The following HKDC1 variants were observed in gnomAD, a reference collection of about 807,000 sequenced individuals.
HKDC1 encodes hexokinase domain containing 1, also known as hexokinase HKDC1.
HKDC1 carries 66 observed loss-of-function variants against 96.6 expected under a neutral mutation model. The observed-to-expected ratio is 0.68, with a 90% CI of 0.56 to 0.84. HKDC1 has a LOEUF of 0.84. Among genes scored for constraint, HKDC1 ranks in the 40% least tolerant of loss-of-function variants. The pLI is 0.00. For synonymous variants in HKDC1, 466 were observed against 473.1 expected (o/e 0.98, Z 0.20); for missense variants, 1,211 against 1,208.1 (o/e 1.00, Z -0.04).
chr10:69,258,731 T>G (rs1047513749), intron 14 of HKDC1, 45 bp from the exon 15 acceptor site: 1 of 1,597,352 alleles, frequency 6.3e-7, no homozygotes, highest in South Asian at 1.1e-5. Flanking sequence ...TTCTAAAACC[T>G]GGTGATGTCT....
At chr10:69,266,588 T>A in intron 17 of HKDC1, 22 bp from the exon 18 acceptor site, 1 of 1,612,278 alleles carries the variant, frequency 6.2e-7, no homozygotes, top group Non-Finnish European at 8.5e-7. Context: ...GGGCTGATGA[T>A]GTTTCTTTCT....
At chr10:69,250,725 C>G (rs1353298174) in intron 12 of HKDC1, 73 bp downstream of exon 12, 1 of 1,548,142 alleles carries the variant, frequency 6.5e-7, no homozygotes, top group Non-Finnish European at 8.8e-7. Context: ...CTCCAGGTAA[C>G]TCCCAGCCTG....
chr10:69,247,378 T>C lies in HKDC1; in HGVS notation c.1050T>C (p.Ala350=). 1 of 1,613,968 alleles carries C rather than the reference T, an allele frequency of 6.2e-7. No homozygotes were observed. Among genetic ancestry groups the C allele is most frequent in the Non-Finnish European group, 8.5e-7 (1 of 1,179,872 alleles). Residue 350 remains alanine (A), a synonymous_variant, in exon 9 of 18, where the codon GCT becomes GCC. Transcript: ENST00000354624. ...TGGCCAGGTATAAAGAAGGCCTTGC[T>C]AATACAAGAGAGATCCTGGTGGACC... is the stretch of plus-strand genomic sequence containing the variant. ...AAMEKYKEGL[A]NTREILVDLG...
chr10:69,255,359 T>C (rs572953108), intron 12 of HKDC1, among the ~76,000 whole-genome samples: 17 of 152,334 alleles, frequency 1.1e-4, no homozygotes, highest in African/African-American at 4.1e-4. Flanking sequence ...GGGGTCCAGT[T>C]TCCCAAGAAC....
chr10:69,225,158 G>C (rs1284726656), intron 1 of HKDC1, among the ~76,000 whole-genome samples: 1 of 152,046 alleles, frequency 6.6e-6, no homozygotes, highest in East Asian at 1.9e-4. Flanking sequence ...ACCCCAACTG[G>C]GTCTCAAAAA....
chr10:69,266,496 G>T, intron 17 of HKDC1, 114 bp from the exon 18 acceptor site: 9 of 1,063,554 alleles, frequency 8.5e-6, no homozygotes, highest in Admixed American at 2.4e-5. Flanking sequence ...AAGCTGTTTA[G>T]AGCCTTGAAA....
chr10:69,226,182 C>G (rs536920806), intron 1 of HKDC1, among the ~76,000 whole-genome samples: 1 of 152,160 alleles, frequency 6.6e-6, no homozygotes, highest in Non-Finnish European at 1.5e-5. Context: ...ATATTACCAA[C>G]AAGAGGACTG....
chr10:69,265,484 C>A, intron 16 of HKDC1, 101 bp from the exon 17 acceptor site: 1 of 1,014,954 alleles, frequency 9.9e-7, no homozygotes, highest in South Asian at 1.4e-5. Flanking sequence ...TTTCTCCTCC[C>A]TCCTGTAAGG....
At chr10:69,230,003 C>G (rs562745987) in intron 2 of HKDC1, among the ~76,000 whole-genome samples, 4 of 152,194 alleles carry the variant, frequency 2.6e-5, no homozygotes, top group Non-Finnish European at 5.9e-5. Context: ...GCAAAACTCT[C>G]CTAATTCCTT....
At position 69,220,506 on chromosome 10, in the gene HKDC1, G is replaced by A; in HGVS notation, c.63+8G>A. ...GAGGACCAGATCAAGAAGGTAAGGA[G>A]GACCCACGAAGCTGAGAGATGCCCA... is the stretch of plus-strand genomic sequence containing the variant. On this transcript the variant is annotated splice_region_variant and intron_variant, in intron 1 of 17. Transcript: ENST00000354624. The A allele has an allele frequency of 1.3e-6, 2 of 1,578,956 alleles. No homozygotes were observed. Among genetic ancestry groups the A allele is most frequent in the African/African-American group, 1.4e-5 (1 of 73,238 alleles).
At position 69,220,776 on chromosome 10, in the gene HKDC1, A is replaced by G. The variant is rs12573334; in HGVS notation, c.63+278A>G. On this transcript the variant is annotated intron_variant, in intron 1 of 17. Transcript: ENST00000354624. ...AGGGTGTTTGGAAAGCTTGAAGAGG[A>G]TTGTGTTTGCTGTAAGGGATGTTTG... 2.7e-3 allele frequency among the ~76,000 whole-genome samples: 412 copies of G among 152,238 alleles called. 15 individuals carry two copies. In the East Asian group the frequency reaches 0.067, roughly 25 times the overall value.
chr10:69,252,999 T>A (rs1272759212), intron 12 of HKDC1, among the ~76,000 whole-genome samples: 1 of 151,680 alleles, frequency 6.6e-6, no homozygotes, highest in Non-Finnish European at 1.5e-5. Flanking sequence ...TGTGTGTGTG[T>A]GTGTGTGTGT....
chr10:69,224,929 T>C (rs1208436719), intron 1 of HKDC1, among the ~76,000 whole-genome samples: 1 of 152,218 alleles, frequency 6.6e-6, no homozygotes, highest in Non-Finnish European at 1.5e-5. Context: ...TGGTTACACA[T>C]ACCCCACATG....
At chr10:69,242,883 T>A (rs1843474894) in intron 6 of HKDC1, among the ~76,000 whole-genome samples, 1 of 152,242 alleles carries the variant, frequency 6.6e-6, no homozygotes, top group Non-Finnish European at 1.5e-5. Flanking sequence ...TCTTCATTTG[T>A]CCTCTTGTAA....
intron 6 of HKDC1, among the ~76,000 whole-genome samples, chr10:69,242,528 C>T (rs1194427919): frequency 1.3e-5 from 2 of 149,980 alleles, no homozygotes; most frequent in Admixed American, 1.3e-4. Context: ...TTGTAGTAAA[C>T]GTATAGTTTT....
At chr10:69,224,346 C>T (rs533252315) in intron 1 of HKDC1, among the ~76,000 whole-genome samples, 5 of 152,228 alleles carry the variant, frequency 3.3e-5, no homozygotes, top group South Asian at 2.1e-4. Flanking sequence ...TGCAGTGGCG[C>T]GATCTCGGCT....
rs776807836 is a variant in HKDC1 at position 69,239,068 on chromosome 10, G to C, written c.522G>C (p.Lys174Asn). ...EEGVLLSWTK[K>N]FKARGVQDTD... ...GTGTCCTACTTTCGTGGACAAAAAA[G>C]TTTAAGGCACGAGGAGTTCAGGACA... The change falls in exon 5 of 18, where the codon AAG becomes AAC. Residue 174 changes from lysine to asparagine, a missense_variant. Lys to Asn is a moderately conservative substitution (Grantham distance 94). Coordinates refer to ENST00000354624, the MANE Select transcript of HKDC1 (RefSeq NM_025130.4). The C allele has an allele frequency of 1.2e-6, 2 of 1,613,806 alleles. No homozygotes were observed. The highest frequency in any genetic ancestry group is 2.2e-5 in the East Asian group (1 of 44,886).
chr10:69,226,660 A>AT (rs1264245007), intron 1 of HKDC1, among the ~76,000 whole-genome samples: 5 of 151,994 alleles, frequency 3.3e-5, no homozygotes, highest in Non-Finnish European at 7.4e-5. Context: ...GTCTTAAAAA[A>AT]AAAAAGGAGG....
intron 12 of HKDC1, among the ~76,000 whole-genome samples, 181 bp from the exon 13 acceptor site, chr10:69,256,855 G>T (rs368382755): frequency 1.3e-5 from 2 of 152,200 alleles, no homozygotes; most frequent in East Asian, 3.8e-4. Context: ...GACCTTGTCT[G>T]AGTGTTGTGC....
Sources: gnomAD v4.1 joint callset for allele counts (sites outside exome capture counted in the v4.1 genomes callset) on GRCh38, gnomAD v4.1.1 for gene constraint, MANE v1.5 for transcripts, NCBI Gene and HGNC (gene_info 2026-07-23, HGNC 2026-07-21) for gene names.